LRMDA: variants seen among roughly 807,000 people sequenced by gnomAD.
The protein encoded by LRMDA is leucine rich melanocyte differentiation associated, also known as leucine-rich melanocyte differentiation-associated protein.
LRMDA carries 18 observed loss-of-function variants against 29.8 expected under a neutral mutation model. The ratio of observed to expected loss-of-function variants is 0.60; its 90% CI spans 0.42 to 0.90. LRMDA has a LOEUF of 0.90. Ranked by LOEUF, LRMDA falls within the 40% of genes least tolerant of loss-of-function variation. The pLI, the probability that LRMDA is intolerant of heterozygous loss-of-function variation, is 0.00. For synonymous variants in LRMDA, 125 were observed against 109.4 expected (o/e 1.14, Z -0.89); for missense variants, 273 against 273.9 (o/e 1.00, Z 0.02).
chr10:76,200,579 C>CT (rs1269238424), intron 5 of LRMDA, among the ~76,000 whole-genome samples: 1 of 151,960 alleles, frequency 6.6e-6, no homozygotes, highest in Non-Finnish European at 1.5e-5. Flanking sequence ...GCTGTAAAGT[C>CT]TTATTTCTTG....
chr10:76,474,090 A>G (rs1415497629), intron 6 of LRMDA, among the ~76,000 whole-genome samples: 2 of 151,742 alleles, frequency 1.3e-5, no homozygotes, highest in Non-Finnish European at 3.0e-5. Flanking sequence ...TGCTGAGAGT[A>G]CAAAGATAAT....
At chr10:75,480,463 A>G (rs547363854) in intron 2 of LRMDA, among the ~76,000 whole-genome samples, 13 of 151,932 alleles carry the variant, frequency 8.6e-5, no homozygotes, top group African/African-American at 3.1e-4. Flanking sequence ...GTCTGTCCTC[A>G]TAAAGCTTGT....
At chr10:75,774,697 A>T (rs761621691) in intron 2 of LRMDA, among the ~76,000 whole-genome samples, 8 of 151,832 alleles carry the variant, frequency 5.3e-5, no homozygotes, top group Non-Finnish European at 7.4e-5. Context: ...TATCTCAAAC[A>T]CTTTTTTTTT....
chr10:76,557,549 C>A lies in LRMDA; in HGVS notation c.*261C>A. On this transcript the variant is annotated 3_prime_UTR_variant, in exon 7 of 7. Coordinates refer to ENST00000611255, the MANE Select transcript of LRMDA (RefSeq NM_001305581.2). ...CCACCAGGGTGACAGACAGCGGTGG[C>A]AAAGCAACAGGGCTGACAGCATGAA... The A allele has an allele frequency of 1.9e-6, 1 of 529,378 alleles. No homozygotes were observed. The highest frequency in any genetic ancestry group is 3.4e-6 in the Non-Finnish European group (1 of 295,836). 32.8% of individuals were successfully genotyped at this position (529,378 alleles called of 1,614,324 possible). A position where few individuals can be genotyped will look rare whatever the true frequency, so the allele number is the denominator to read the frequency against.
chr10:75,969,847 G>A (rs898949057), intron 2 of LRMDA, among the ~76,000 whole-genome samples: 1 of 152,160 alleles, frequency 6.6e-6, no homozygotes, highest in Non-Finnish European at 1.5e-5. Context: ...AAGTTAGCTT[G>A]TACATTGGGA....
intron 2 of LRMDA, among the ~76,000 whole-genome samples, chr10:75,730,401 TC>T (rs1461736102): frequency 6.6e-6 from 1 of 152,046 alleles, no homozygotes; most frequent in East Asian, 1.9e-4. Flanking sequence ...GATCTGTCCC[TC>T]CCGACCCCCG....
chr10:76,250,239 G>A (rs1474056747), intron 5 of LRMDA, among the ~76,000 whole-genome samples: 1 of 152,176 alleles, frequency 6.6e-6, no homozygotes, highest in Non-Finnish European at 1.5e-5. Context: ...ATATTGTGAA[G>A]CAAGATTGAA....
intron 5 of LRMDA, among the ~76,000 whole-genome samples, chr10:76,139,779 T>C (rs944893947): frequency 6.6e-6 from 1 of 152,188 alleles, no homozygotes; most frequent in African/African-American, 2.4e-5. Flanking sequence ...CTGACTGTTA[T>C]GTCAAACTAA....
chr10:76,111,917 C>T (rs1162235357), intron 5 of LRMDA, among the ~76,000 whole-genome samples: 1 of 152,120 alleles, frequency 6.6e-6, no homozygotes, highest in African/African-American at 2.4e-5. Flanking sequence ...GGCACCAGTC[C>T]GGGGAGCACT....
At chr10:75,889,193 T>C (rs1001970107) in intron 2 of LRMDA, among the ~76,000 whole-genome samples, 1 of 152,214 alleles carries the variant, frequency 6.6e-6, no homozygotes, top group African/African-American at 2.4e-5. Flanking sequence ...CTTAATGACC[T>C]GCCTAGTAAA....
chr10:76,322,724 C>T (rs765705476), intron 5 of LRMDA, among the ~76,000 whole-genome samples: 2 of 152,138 alleles, frequency 1.3e-5, no homozygotes, highest in Admixed American at 6.6e-5. Flanking sequence ...AACTAAAACT[C>T]ATGTTGGATT....
In LRMDA at chr10:76,168,447, G is replaced by C. The variant is rs558978985; in HGVS notation, c.516+109664G>C. Among the ~76,000 whole-genome samples, 6 of 152,268 alleles carry C rather than the reference G, an allele frequency of 3.9e-5. No individual in the cohort carries two copies. In the East Asian group the frequency reaches 1.2e-3, roughly 29 times the overall value. ...TCATGGCTTCTGTTTCCAGAGCTGG[G>C]CAATGGCCATCCTCAGCTTTGCCAC... is the stretch of plus-strand genomic sequence containing the variant. On this transcript the variant is annotated intron_variant, in intron 5 of 6. Transcript: ENST00000611255.
At chr10:76,035,330 A>G (rs1848222572) in intron 2 of LRMDA, among the ~76,000 whole-genome samples, 1 of 152,118 alleles carries the variant, frequency 6.6e-6, no homozygotes, top group South Asian at 2.1e-4. Flanking sequence ...TAAAAGAAAA[A>G]GCCCTCTCAG....
At position 75,969,129 on chromosome 10, in the gene LRMDA, G is replaced by T. The variant is rs368571492; in HGVS notation, c.132-66879G>T. Among the ~76,000 whole-genome samples the T allele has an allele frequency of 2.6e-5, 4 of 152,240 alleles. No individual in the cohort carries two copies. In the East Asian group the frequency reaches 5.8e-4, roughly 22 times the overall value. ...TCTCTGGCTTTTCTCTTTGCCTCTT[G>T]GGTGAATCTGGTGCTTCCCTAGATG... On this transcript the variant is annotated intron_variant, in intron 2 of 6. Coordinates refer to ENST00000611255, the MANE Select transcript of LRMDA (RefSeq NM_001305581.2).
chr10:75,794,899 C>T (rs1268725597), intron 2 of LRMDA, among the ~76,000 whole-genome samples: 2 of 151,406 alleles, frequency 1.3e-5, no homozygotes, highest in African/African-American at 4.9e-5. Flanking sequence ...TTAAATGGTG[C>T]CTTTTGATAA....
chr10:76,383,350 A>G (rs1841616100), intron 6 of LRMDA, among the ~76,000 whole-genome samples: 1 of 150,190 alleles, frequency 6.7e-6, no homozygotes, highest in Non-Finnish European at 1.5e-5. Context: ...TCTGTCCTCC[A>G]GCTCTGCACC....
intron 2 of LRMDA, among the ~76,000 whole-genome samples, chr10:75,748,599 T>C (rs1414972446): frequency 6.6e-6 from 1 of 152,172 alleles, no homozygotes; most frequent in Non-Finnish European, 1.5e-5. Flanking sequence ...TGGCATGAGA[T>C]GCTGACCATC....
intron 2 of LRMDA, among the ~76,000 whole-genome samples, chr10:75,665,867 C>A (rs1841815607): frequency 6.6e-6 from 1 of 152,038 alleles, no homozygotes; most frequent in African/African-American, 2.4e-5. Flanking sequence ...GAATTGTGTG[C>A]CCTGTATTAT....
In LRMDA at chr10:75,589,775, T is replaced by G. The variant is rs574582108; in HGVS notation, c.131+151281T>G. On this transcript the variant is annotated intron_variant, in intron 2 of 6. Coordinates refer to ENST00000611255, the MANE Select transcript of LRMDA (RefSeq NM_001305581.2). ...ACCCTGTCTAAAAAAAATATATATA[T>G]ATAGAGAGAGAGAGAGAGTTTTTGG... Among the ~76,000 whole-genome samples the G allele has an allele frequency of 1.3e-3, 192 of 151,074 alleles. 1 individual carries two copies. The highest frequency in any genetic ancestry group is 4.3e-3 in the African/African-American group (178 of 41,264).
Sources: gnomAD v4.1 joint callset for allele counts (sites outside exome capture counted in the v4.1 genomes callset) on GRCh38, gnomAD v4.1.1 for gene constraint, MANE v1.5 for transcripts, NCBI Gene and HGNC (gene_info 2026-07-23, HGNC 2026-07-21) for gene names.